Variants in ITPR2 observed in about 807,000 individuals in gnomAD.
The protein encoded by ITPR2 is inositol 1,4,5-trisphosphate receptor type 2.
ITPR2 carries 207 observed loss-of-function variants against 317.1 expected under a neutral mutation model. That is an observed-to-expected ratio of 0.65 (90% CI 0.58 to 0.73). The LOEUF is 0.73. ITPR2 is among the 30% of genes least tolerant of loss of function. ITPR2 has a pLI of 0.00. For synonymous variants in ITPR2, 1,156 were observed against 1,149.1 expected (o/e 1.01, Z -0.12); for missense variants, 2,613 against 3,284.0 (o/e 0.80, Z 4.99).
intron 1 of ITPR2, among the ~76,000 whole-genome samples, chr12:26,825,329 T>C (rs530473910): frequency 3.9e-4 from 60 of 152,354 alleles, no homozygotes; most frequent in Admixed American, 1.9e-3. Context: ...TACCAAGTTC[T>C]GATATTTTAA....
chr12:26,783,541 T>G (rs1950133171), intron 2 of ITPR2, among the ~76,000 whole-genome samples: 1 of 152,142 alleles, frequency 6.6e-6, no homozygotes, highest in Non-Finnish European at 1.5e-5. Context: ...ATATGCAGAC[T>G]TTTAGAAAAA....
At chr12:26,720,079 T>C (rs1272233658) in intron 5 of ITPR2, among the ~76,000 whole-genome samples, 1 of 152,192 alleles carries the variant, frequency 6.6e-6, no homozygotes, top group Non-Finnish European at 1.5e-5. Context: ...AAGGGCTTTG[T>C]ATACAGCTGA....
chr12:26,822,714 A>G (rs1400583486), intron 1 of ITPR2, among the ~76,000 whole-genome samples: 4 of 152,188 alleles, frequency 2.6e-5, no homozygotes, highest in Non-Finnish European at 5.9e-5. Flanking sequence ...GCAACTGCCA[A>G]GTTTCTTCCT....
intron 55 of ITPR2, among the ~76,000 whole-genome samples, chr12:26,379,956 A>G (rs1464517054): frequency 6.6e-6 from 1 of 152,190 alleles, no homozygotes; most frequent in Non-Finnish European, 1.5e-5. Flanking sequence ...TCTGTGGCCA[A>G]TCACCCGAAC....
intron 13 of ITPR2, among the ~76,000 whole-genome samples, chr12:26,670,303 T>C (rs1336112896): frequency 6.6e-6 from 1 of 152,024 alleles, no homozygotes. Flanking sequence ...CACCCCCCAG[T>C]AGGGGCAGAC....
intron 37 of ITPR2, among the ~76,000 whole-genome samples, chr12:26,530,134 C>G (rs1943909484): frequency 1.3e-5 from 2 of 152,256 alleles, no homozygotes; most frequent in Middle Eastern, 3.4e-3. Context: ...CCTGGCTCAA[C>G]TGGGATTTTA....
At chr12:26,775,959 T>TATATATATATATACACA (rs1263788006) in intron 2 of ITPR2, among the ~76,000 whole-genome samples, 7 of 145,058 alleles carry the variant, frequency 4.8e-5, no homozygotes, top group South Asian at 2.2e-4. Flanking sequence ...TATATGTATA[T>TATATATATATATACACA]CCTATTAGTT....
chr12:26,524,460 T>C (rs1393417), intron 37 of ITPR2, among the ~76,000 whole-genome samples: 54,768 of 152,148 alleles, frequency 0.36, 12,264 homozygotes, highest in Non-Finnish European at 0.5. Flanking sequence ...TGAACCATTA[T>C]ATTTGTATAT....
At chr12:26,822,516 A>C (rs921793844) in intron 1 of ITPR2, among the ~76,000 whole-genome samples, 1 of 152,182 alleles carries the variant, frequency 6.6e-6, no homozygotes, top group Admixed American at 6.5e-5. Flanking sequence ...AGTTCTTAAT[A>C]GTTCTTAATA....
At chr12:26,467,186 C>A (rs1942188270) in intron 45 of ITPR2, among the ~76,000 whole-genome samples, 1 of 151,966 alleles carries the variant, frequency 6.6e-6, no homozygotes, top group African/African-American at 2.4e-5. Context: ...CATGCATATC[C>A]CTTAAAATGA....
intron 55 of ITPR2, among the ~76,000 whole-genome samples, chr12:26,381,259 T>C (rs7311283): frequency 0.37 from 57,019 of 152,218 alleles, 11,571 homozygotes; most frequent in East Asian, 0.67. Flanking sequence ...ATTTGACTAA[T>C]GAGAAATTTG....
intron 49 of ITPR2, among the ~76,000 whole-genome samples, chr12:26,421,831 T>C (rs1940903610): frequency 6.6e-6 from 1 of 152,170 alleles, no homozygotes. Flanking sequence ...CTCTGTCTAT[T>C]ATTCAAAGCC....
At chr12:26,464,837 A>G (rs1352586126) in intron 45 of ITPR2, among the ~76,000 whole-genome samples, 1 of 152,188 alleles carries the variant, frequency 6.6e-6, no homozygotes, top group Non-Finnish European at 1.5e-5. Context: ...CTTGGGCTAC[A>G]GGAATGCTAA....
chr12:26,569,170 C>G (rs765470531), intron 34 of ITPR2, among the ~76,000 whole-genome samples: 114 of 151,854 alleles, frequency 7.5e-4, no homozygotes, highest in Non-Finnish European at 4.4e-5. Flanking sequence ...AGGGCTATTC[C>G]GAAGATGAAA....
At chr12:26,516,708 A>T (rs1943530201) in intron 37 of ITPR2, among the ~76,000 whole-genome samples, 1 of 152,214 alleles carries the variant, frequency 6.6e-6, no homozygotes, top group Admixed American at 6.5e-5. Flanking sequence ...TCAGGAAGAA[A>T]TTGTGGAAAA....
intron 13 of ITPR2, among the ~76,000 whole-genome samples, chr12:26,673,393 C>G (rs537444060): frequency 6.6e-6 from 1 of 152,016 alleles, no homozygotes; most frequent in Admixed American, 6.6e-5. Flanking sequence ...GTTCAATATA[C>G]GCAAATCACT....
chr12:26,786,449 T>TTAAAAAAA (rs60115178), intron 2 of ITPR2, among the ~76,000 whole-genome samples: 1 of 119,224 alleles, frequency 8.4e-6, no homozygotes, highest in Admixed American at 8.2e-5. Context: ...GAATGATCAA[T>TTAAAAAAA]AAAAAAAAAA....
At chr12:26,359,385 A>C (rs1938749841) in intron 55 of ITPR2, among the ~76,000 whole-genome samples, 1 of 152,192 alleles carries the variant, frequency 6.6e-6, no homozygotes, top group Non-Finnish European at 1.5e-5. Flanking sequence ...ATATACAGGG[A>C]ACCAAGAAAG....
intron 10 of ITPR2, among the ~76,000 whole-genome samples, chr12:26,692,310 A>G (rs1948256421): frequency 6.6e-6 from 1 of 152,190 alleles, no homozygotes; most frequent in African/African-American, 2.4e-5. Context: ...GGGACCTGCT[A>G]TTGGCACCTG....
Sources: allele counts gnomAD v4.1 joint callset (sites outside exome capture counted in the v4.1 genomes callset), GRCh38; gene constraint gnomAD v4.1.1; transcripts MANE v1.5; gene names NCBI Gene and HGNC (gene_info 2026-07-23, HGNC 2026-07-21).